Variants in BAZ1B observed in about 807,000 individuals in gnomAD.
The protein encoded by BAZ1B is bromodomain adjacent to zinc finger domain 1B.
In BAZ1B, 22 loss-of-function variants were observed where a neutral mutation model predicts 153.8. The observed-to-expected ratio is 0.14, with a 90% CI of 0.10 to 0.20. The LOEUF (loss-of-function observed/expected upper bound fraction) is 0.20, where lower values mean the gene tolerates loss of function less well. BAZ1B is among the 10% of genes least tolerant of loss of function. The pLI, the probability that BAZ1B is intolerant of heterozygous loss-of-function variation, is 1.00. For missense variants in BAZ1B, 1,325 were observed against 1,799.3 expected (o/e 0.74, Z 4.77); for synonymous variants, 676 against 633.4 (o/e 1.07, Z -1.01).
At chr7:73,494,902 A>G (rs1789813389) in intron 4 of BAZ1B, among the ~76,000 whole-genome samples, 2 of 152,204 alleles carry the variant, frequency 1.3e-5, no homozygotes, top group African/African-American at 4.8e-5. Context: ...GAGCCAAGTA[A>G]AAGAATGAGA....
chr7:73,455,212 C>T (rs1788152665), intron 13 of BAZ1B, among the ~76,000 whole-genome samples: 1 of 151,960 alleles, frequency 6.6e-6, no homozygotes, highest in Non-Finnish European at 1.5e-5. Context: ...TTACTCATCT[C>T]TATAAAACCT....
chr7:73,462,042 T>A (rs1174335829), intron 12 of BAZ1B, among the ~76,000 whole-genome samples: 1 of 152,184 alleles, frequency 6.6e-6, no homozygotes, highest in Non-Finnish European at 1.5e-5. Context: ...GCTGGGATTA[T>A]AGGCGTGAGC....
chr7:73,517,464 T>C (rs1790853358), intron 1 of BAZ1B, among the ~76,000 whole-genome samples: 1 of 151,428 alleles, frequency 6.6e-6, no homozygotes, highest in African/African-American at 2.4e-5. Context: ...ATCACTGCAC[T>C]CCAGCCTGGG....
chr7:73,479,800 C>T (rs1337775042), intron 6 of BAZ1B, among the ~76,000 whole-genome samples: 1 of 152,100 alleles, frequency 6.6e-6, no homozygotes, highest in African/African-American at 2.4e-5. Context: ...AACCATAACC[C>T]TGATTAACTC....
rs1789176440 is a variant in BAZ1B, at chr7:73,480,992, T to A, written c.892-2423A>T. ...CCCAGTCCGGAGTGCAGTAGCGCAA[T>A]CCTGGCTCACTGCAACCTCCACCTC... On this transcript the variant is annotated intron_variant, in intron 6 of 19. Coordinates refer to ENST00000339594, the MANE Select transcript of BAZ1B (RefSeq NM_032408.4). Among the ~76,000 whole-genome samples the A allele has an allele frequency of 2.6e-5, 4 of 152,084 alleles. No individual in the cohort carries two copies. The South Asian group carries it at 8.3e-4, about 32-fold the overall frequency.
chr7:73,442,685 G>T (rs782301902), intron 18 of BAZ1B, 40 bp downstream of exon 18: 16 of 1,597,370 alleles, frequency 1.0e-5, no homozygotes, highest in Non-Finnish European at 1.4e-5. Context: ...GAACCAGCCA[G>T]GCCACTCCTC....
intron 11 of BAZ1B, among the ~76,000 whole-genome samples, chr7:73,464,504 T>C (rs537465609): frequency 6.6e-6 from 1 of 152,316 alleles, no homozygotes; most frequent in South Asian, 2.1e-4. Flanking sequence ...CCCCTTCCCC[T>C]ATCCTCTGGC....
In BAZ1B at chr7:73,478,274, T is replaced by C. The variant is rs1789068490; in HGVS notation, c.1187A>G (p.Lys396Arg). The C allele has an allele frequency of 1.2e-6, 2 of 1,614,094 alleles. No homozygotes were observed. Among genetic ancestry groups the C allele is most frequent in the Admixed American group, 3.3e-5 (2 of 60,002 alleles). The change falls in exon 7 of 20, where the codon AAG (lysine) becomes AGG (arginine). Residue 396 changes from lysine to arginine, a missense_variant. Physicochemically the swap from Lys to Arg is conservative, Grantham distance 26. Transcript: ENST00000339594. ...TGCCTTCAAAGGCTTGTCACTGTGC[T>C]TCCCTGGTTTCTTGGCAGGTGGGCC... ...KKGPPAKKPG[K>R]HSDKPLKAKG...
chr7:73,494,807 A>C (rs1554576193), intron 4 of BAZ1B, among the ~76,000 whole-genome samples: 1 of 152,194 alleles, frequency 6.6e-6, no homozygotes, highest in East Asian at 1.9e-4. Context: ...GAGAGTCAAA[A>C]TTCTTCCAGT....
intron 12 of BAZ1B, among the ~76,000 whole-genome samples, chr7:73,460,897 T>G (rs1315934550): frequency 6.6e-6 from 1 of 151,550 alleles, no homozygotes; most frequent in Non-Finnish European, 1.5e-5. Flanking sequence ...TGCTGTCAGC[T>G]ATGATCTGTG....
At chr7:73,457,566 G>C (rs1469278636) in intron 13 of BAZ1B, among the ~76,000 whole-genome samples, 1 of 152,208 alleles carries the variant, frequency 6.6e-6, no homozygotes, top group Non-Finnish European at 1.5e-5. Flanking sequence ...TCAACAAAAT[G>C]TGGTACATAG....
At chr7:73,449,849 A>G (rs1163886977) in intron 14 of BAZ1B, among the ~76,000 whole-genome samples, 160 bp from the exon 15 acceptor site, 1 of 152,254 alleles carries the variant, frequency 6.6e-6, no homozygotes, top group Non-Finnish European at 1.5e-5. Flanking sequence ...TTTTCTAAAA[A>G]GAAATGAAGC....
chr7:73,472,189 G>A (rs981932263), intron 7 of BAZ1B, among the ~76,000 whole-genome samples: 15 of 151,576 alleles, frequency 9.9e-5, no homozygotes, highest in Non-Finnish European at 5.9e-5. Flanking sequence ...AAATTATTAC[G>A]TTTCAGATAA....
chr7:73,467,180 G>A (rs376552765), intron 9 of BAZ1B, among the ~76,000 whole-genome samples: 23 of 151,624 alleles, frequency 1.5e-4, no homozygotes, highest in South Asian at 1.0e-3. Context: ...TGATCCGCCC[G>A]CCTTGGCCTC....
chr7:73,498,672 C>T lies in BAZ1B; in HGVS notation c.396G>A (p.Val132=), dbSNP rs1790011218. The T allele has an allele frequency of 6.2e-7, 1 of 1,614,110 alleles. No individual in the cohort carries two copies. The highest frequency in any genetic ancestry group is 8.5e-7 in the Non-Finnish European group (1 of 1,180,014). ...FEVGKEKMLK[V]KIVKIHPLEK... is the part of the protein sequence containing the mutation. The stretch of plus-strand genomic sequence containing the variant: ...CCAAAGGATGAATCTTCACAATCTT[C>T]ACCTTGAGCATTTTCTCCTTCCCAA... The change falls in exon 4 of 20, where the codon GTG becomes GTA. Residue 132 remains valine, a synonymous_variant. Coordinates refer to ENST00000339594, the MANE Select transcript of BAZ1B (RefSeq NM_032408.4).
At position 73,450,869 on chromosome 7, in the gene BAZ1B, C is replaced by T. The variant is rs782024430; in HGVS notation, c.3558G>A (p.Arg1186=). ...IKWDMSAENA[R]CKVCRKKGED... ...TACCTTTCTTTCGACAAACTTTGCACCTAGCATTTTCTGCGGACATATCCC... is the reference window on the plus strand; with the variant it reads ...TACCTTTCTTTCGACAAACTTTGCATCTAGCATTTTCTGCGGACATATCCC... The change falls in exon 14 of 20, where the codon AGG becomes AGA. Residue 1186 remains arginine, a synonymous_variant. Transcript: ENST00000339594. The surrounding 1 kb of genome is among the most constrained non-coding windows in gnomAD (Gnocchi z 4.1). 1 of 1,614,100 alleles carries T rather than the reference C, an allele frequency of 6.2e-7. No homozygotes were observed. Among genetic ancestry groups the T allele is most frequent in the Non-Finnish European group, 8.5e-7 (1 of 1,180,012 alleles).
intron 16 of BAZ1B, 146 bp downstream of exon 16, chr7:73,447,118 T>C (rs1787865998): frequency 3.4e-6 from 5 of 1,458,492 alleles, no homozygotes; most frequent in Admixed American, 1.9e-5. Flanking sequence ...TTTAAACCCA[T>C]GGCAGCTAAG....
intron 1 of BAZ1B, among the ~76,000 whole-genome samples, chr7:73,521,030 G>C (rs551831039): frequency 6.6e-6 from 1 of 152,068 alleles, no homozygotes; most frequent in Non-Finnish European, 1.5e-5. Flanking sequence ...GTCATGACGA[G>C]AGGATGCTTC....
chr7:73,520,739 G>A (rs1791001829), intron 1 of BAZ1B, among the ~76,000 whole-genome samples: 1 of 152,140 alleles, frequency 6.6e-6, no homozygotes, highest in African/African-American at 2.4e-5. Flanking sequence ...TGAGGATCAG[G>A]GAGAAATGAA....
Sources: allele counts gnomAD v4.1 joint callset (sites outside exome capture counted in the v4.1 genomes callset), GRCh38; gene constraint gnomAD v4.1.1; non-coding constraint Gnocchi (gnomAD v3.1); transcripts MANE v1.5; gene names NCBI Gene and HGNC (gene_info 2026-07-23, HGNC 2026-07-21).